MOGAT2: variants seen among roughly 807,000 people sequenced by gnomAD.
MOGAT2 encodes the protein 2-acylglycerol O-acyltransferase 2.
A neutral mutation model predicts 31.5 loss-of-function variants in MOGAT2; 27 were observed. That is an observed-to-expected ratio of 0.86 (90% CI 0.63 to 1.18). The LOEUF is 1.18. Among genes scored for constraint, MOGAT2 ranks in the 50% most tolerant of loss-of-function variants. The pLI is 0.00. For synonymous variants in MOGAT2, 163 were observed against 170.0 expected (o/e 0.96, Z 0.32); for missense variants, 436 against 433.2 (o/e 1.01, Z -0.06).
chr11:75,724,419 C>A (rs1944401994), intron 2 of MOGAT2, among the ~76,000 whole-genome samples: 1 of 152,160 alleles, frequency 6.6e-6, no homozygotes, highest in African/African-American at 2.4e-5. Flanking sequence ...TAGGGAGGTG[C>A]AGACCACACC....
Position 75,720,059 on chromosome 11 carries a change from T to C in MOGAT2, c.159T>C (p.Tyr53=), listed in dbSNP as rs373714874. 4 of 1,613,946 alleles carry C rather than the reference T, an allele frequency of 2.5e-6. No homozygotes were observed. The highest frequency in any genetic ancestry group is 1.3e-5 in the African/African-American group (1 of 74,876). The change falls in exon 2 of 6, where the codon TAT becomes TAC. Residue 53 remains tyrosine (Y), a synonymous_variant. Transcript: ENST00000198801. ...GATTCTGGCTCCTCACTGTCCTGTATGCGGCCTGGTGGTATCTGGACCGAG... is the reference window on the plus strand; with the variant it reads ...GATTCTGGCTCCTCACTGTCCTGTACGCGGCCTGGTGGTATCTGGACCGAG... The part of the protein sequence containing the change: ...FTRFWLLTVL[Y]AAWWYLDRDK...
intron 2 of MOGAT2, among the ~76,000 whole-genome samples, chr11:75,721,407 C>T (rs1145700): frequency 0.37 from 55,939 of 151,904 alleles, 11,089 homozygotes; most frequent in Non-Finnish European, 0.46. Context: ...CTCAGCCTCC[C>T]GTGTAGCTGG....
chr11:75,728,226 G>T, intron 4 of MOGAT2, 82 bp downstream of exon 4: 4 of 1,395,456 alleles, frequency 2.9e-6, no homozygotes, highest in Non-Finnish European at 4.0e-6. Flanking sequence ...TGGCAGAGAC[G>T]AATGCAGATT....
chr11:75,728,288 G>A, intron 4 of MOGAT2, 144 bp downstream of exon 4: 1 of 1,004,736 alleles, frequency 1.0e-6, no homozygotes, highest in Non-Finnish European at 1.5e-6. Context: ...ATATTTTGGT[G>A]TCTTATGCCC....
chr11:75,722,570 C>T (rs1436923869), intron 2 of MOGAT2, among the ~76,000 whole-genome samples: 1 of 152,240 alleles, frequency 6.6e-6, no homozygotes, highest in Non-Finnish European at 1.5e-5. Context: ...TTCTGAGCCA[C>T]AGCCTGACAT....
At chr11:75,719,155 C>A (rs535087469) in intron 1 of MOGAT2, among the ~76,000 whole-genome samples, 3 of 152,162 alleles carry the variant, frequency 2.0e-5, no homozygotes, top group South Asian at 2.1e-4. Context: ...CTGTATACCC[C>A]CTTTGCACAG....
At chr11:75,730,993 C>G in intron 5 of MOGAT2, 139 bp from the exon 6 acceptor site, 2 of 546,392 alleles carry the variant, frequency 3.7e-6, no homozygotes, top group Non-Finnish European at 6.2e-6. Context: ...CTTGGAGTTG[C>G]CCTAATATCT....
At position 75,731,123 on chromosome 11, in the gene MOGAT2, G is replaced by A. The variant is rs1474320636; in HGVS notation, c.851-9G>A. 1 of 1,613,246 alleles carries A rather than the reference G, an allele frequency of 6.2e-7. No individual in the cohort carries two copies. The highest frequency in any genetic ancestry group is 2.2e-5 in the East Asian group (1 of 44,876). ...ACCCTAGGCCACTGCACACCTCTAT[G>A]CCTTGCAGTGGGGAAGCCCATCGAG... On this transcript the variant is annotated splice_polypyrimidine_tract_variant and intron_variant, in intron 5 of 5. Transcript: ENST00000198801.
At chr11:75,722,817 T>C (rs376338503) in intron 2 of MOGAT2, among the ~76,000 whole-genome samples, 1 of 152,246 alleles carries the variant, frequency 6.6e-6, no homozygotes. Flanking sequence ...GCGCCTACCC[T>C]ATCAACGTCC....
In MOGAT2 at chr11:75,720,089, G is replaced by T. The variant is rs1431999518; in HGVS notation, c.189G>T (p.Lys63Asn). The change falls in exon 2 of 6, where the codon AAG becomes AAT. Residue 63 changes from lysine to asparagine, a missense_variant. By Grantham distance (94) the Lys-to-Asn change is moderately conservative (BLOSUM62 0). Transcript: ENST00000198801. ...YAAWWYLDRD[K>N]PRQGGRHIQA... ...CCTGGTGGTATCTGGACCGAGACAA[G>T]CCACGGCAGGGGGGCCGGCACATCC... The T allele has an allele frequency of 6.2e-7, 1 of 1,614,208 alleles. No homozygotes were observed. Among genetic ancestry groups the T allele is most frequent in the Non-Finnish European group, 8.5e-7 (1 of 1,180,046 alleles).
Position 75,723,456 on chromosome 11 carries a change from A to T in MOGAT2, c.270+3286A>T, listed in dbSNP as rs1209106003. On this transcript the variant is annotated intron_variant, in intron 2 of 5. Coordinates refer to ENST00000198801, the MANE Select transcript of MOGAT2 (RefSeq NM_025098.4). Reference sequence around the variant, plus strand: ...TTTCCATAGACCCTCCCACCCTCCCACACGCCTTTACTGCCCAGGCCCCGC... The same window carrying T: ...TTTCCATAGACCCTCCCACCCTCCCTCACGCCTTTACTGCCCAGGCCCCGC... 2.9e-5 allele frequency among the ~76,000 whole-genome samples: 3 copies of T among 102,756 alleles called. No individual in the cohort carries two copies. The South Asian group carries it at 9.9e-4, about 34-fold the overall frequency. 67.4% of individuals were successfully genotyped at this position (102,756 alleles called of 152,430 possible). A position where few individuals can be genotyped will look rare whatever the true frequency, so the allele number is the denominator to read the frequency against.
In MOGAT2 at chr11:75,728,149, C is replaced by G. The variant is rs372567804; in HGVS notation, c.650+5C>G. The G allele has an allele frequency of 3.5e-5, 56 of 1,611,772 alleles. No individual in the cohort carries two copies. In the South Asian group the frequency reaches 5.7e-4, roughly 16 times the overall value. Reference sequence around the variant, plus strand: ...CAGGCTCGCCCTGACACACGGGTATCAAGCCTCTGGGAAGAGCACTCTGGG... The same window carrying G: ...CAGGCTCGCCCTGACACACGGGTATGAAGCCTCTGGGAAGAGCACTCTGGG... On this transcript the variant is annotated splice_donor_5th_base_variant and intron_variant, in intron 4 of 5. Transcript: ENST00000198801.
intron 2 of MOGAT2, among the ~76,000 whole-genome samples, chr11:75,725,421 G>T (rs557939832): frequency 6.6e-6 from 1 of 152,222 alleles, no homozygotes; most frequent in Admixed American, 6.5e-5. Flanking sequence ...GATGGCATGT[G>T]CCTGTAATCT....
At chr11:75,721,803 G>A (rs1322974585) in intron 2 of MOGAT2, among the ~76,000 whole-genome samples, 2 of 152,128 alleles carry the variant, frequency 1.3e-5, no homozygotes, top group Non-Finnish European at 2.9e-5. Context: ...CAAAGGGGGA[G>A]GGGTAGAGGA....
Position 75,731,481 on chromosome 11 carries a change from T to A in MOGAT2, c.*195T>A. 1.7e-6 allele frequency: 1 copy of A among 582,712 alleles called. No individual in the cohort carries two copies. Among genetic ancestry groups the A allele is most frequent in the Non-Finnish European group, 2.9e-6 (1 of 341,962 alleles). The allele number at this position is 582,712 out of a possible 1,614,324, so 36.1% of individuals were successfully genotyped here. A position where few individuals can be genotyped will look rare whatever the true frequency, so the allele number is the denominator to read the frequency against. ...AAGGGGTCAGCTGGGGCTAGGACAGTGAGGGCTGCTAGAGGGGCTGGGCCT... is the reference window on the plus strand; with the variant it reads ...AAGGGGTCAGCTGGGGCTAGGACAGAGAGGGCTGCTAGAGGGGCTGGGCCT... On this transcript the variant is annotated 3_prime_UTR_variant, in exon 6 of 6. Coordinates refer to ENST00000198801, the MANE Select transcript of MOGAT2 (RefSeq NM_025098.4).
At position 75,720,050 on chromosome 11, in the gene MOGAT2, T is replaced by C; in HGVS notation, c.150T>C (p.Thr50=). 6.2e-7 allele frequency: 1 copy of C among 1,614,116 alleles called. No individual in the cohort carries two copies. Among genetic ancestry groups the C allele is most frequent in the Non-Finnish European group, 8.5e-7 (1 of 1,180,024 alleles). The part of the protein sequence containing the change: ...ALLFTRFWLL[T]VLYAAWWYLD... ...TGTTTACAAGATTCTGGCTCCTCAC[T>C]GTCCTGTATGCGGCCTGGTGGTATC... is the stretch of plus-strand genomic sequence containing the variant. The change falls in exon 2 of 6, where the codon ACT becomes ACC. Residue 50 remains threonine, a synonymous_variant. Coordinates refer to ENST00000198801, the MANE Select transcript of MOGAT2 (RefSeq NM_025098.4).
chr11:75,720,390 G>A (rs952749471), intron 2 of MOGAT2, among the ~76,000 whole-genome samples: 5 of 152,218 alleles, frequency 3.3e-5, no homozygotes, highest in African/African-American at 1.2e-4. Context: ...GGGCCAATAT[G>A]TGGATTGATG....
chr11:75,721,511 G>A (rs1944376387), intron 2 of MOGAT2, among the ~76,000 whole-genome samples: 2 of 152,256 alleles, frequency 1.3e-5, no homozygotes, highest in African/African-American at 2.4e-5. Flanking sequence ...TCGAACTCCC[G>A]ACCTTAGGTG....
Position 75,728,976 on chromosome 11 carries a change from C to T in MOGAT2, c.837C>T (p.Pro279=), listed in dbSNP as rs1372275081. The T allele has an allele frequency of 6.2e-7, 1 of 1,613,756 alleles. No individual in the cohort carries two copies. The highest frequency in any genetic ancestry group is 2.2e-5 in the East Asian group (1 of 44,882). The change falls in exon 5 of 6, where the codon CCC becomes CCT. Residue 279 remains proline (P), a synonymous_variant. Transcript: ENST00000198801. ...YSFGLIPYRR[P]ITTVVGKPIE... ...TTGGTTTAATACCCTACCGCCGGCC[C>T]ATCACCACTGTGGGTAAGTCCAGGA...
Sources: gnomAD v4.1 joint callset for allele counts (sites outside exome capture counted in the v4.1 genomes callset) on GRCh38, gnomAD v4.1.1 for gene constraint, MANE v1.5 for transcripts, NCBI Gene and HGNC (gene_info 2026-07-23, HGNC 2026-07-21) for gene names.